Variants in MLPH observed in about 807,000 individuals in gnomAD.
MLPH encodes melanophilin.
In MLPH, 51 loss-of-function variants were observed where a neutral mutation model predicts 72.1. The observed-to-expected ratio is 0.71, with a 90% CI of 0.56 to 0.89. The LOEUF is 0.89. MLPH is among the 40% of genes least tolerant of loss of function. MLPH has a pLI of 0.00. For synonymous variants in MLPH, 301 were observed against 310.1 expected (o/e 0.97, Z 0.31); for missense variants, 743 against 759.9 (o/e 0.98, Z 0.26).
Position 237,534,659 on chromosome 2 carries a change from G to A in MLPH, c.1104+12G>A, listed in dbSNP as rs376084602. On this transcript the variant is annotated intron_variant, in intron 9 of 15. Transcript: ENST00000264605. ...CTCCCTTGGCCAAGGTAACACTGGG[G>A]GCTGGGCAAAGAGAAAGGGCCCCCA... 4.3e-6 allele frequency: 7 copies of A among 1,611,784 alleles called. No homozygotes were observed. Among genetic ancestry groups the A allele is most frequent in the African/African-American group, 1.3e-5 (1 of 74,868 alleles).
intron 9 of MLPH, among the ~76,000 whole-genome samples, chr2:237,540,131 T>C (rs765809188): frequency 5.3e-5 from 8 of 152,204 alleles, no homozygotes; most frequent in Non-Finnish European, 1.5e-5. Flanking sequence ...GTGGTCAGCT[T>C]TCCCTGGGAA....
chr2:237,542,499 G>A (rs2080712544), intron 11 of MLPH, 68 bp from the exon 12 acceptor site: 2 of 1,319,506 alleles, frequency 1.5e-6, no homozygotes, highest in Non-Finnish European at 2.1e-6. Context: ...TGCTCTTTCT[G>A]TCCATGACTT....
intron 8 of MLPH, among the ~76,000 whole-genome samples, chr2:237,532,955 T>G (rs2080451823): frequency 6.6e-6 from 1 of 152,236 alleles, no homozygotes; most frequent in African/African-American, 2.4e-5. Flanking sequence ...TCAGCCCTTC[T>G]GCAGCCCGGC....
rs1259449477 is a variant in MLPH, at chr2:237,512,695, G to T, written c.445+1594G>T. On this transcript the variant is annotated intron_variant, in intron 4 of 15. Transcript: ENST00000264605. This position sits in a 1 kb window ranked among gnomAD's most constrained non-coding sequence, Gnocchi z 5.5. ...CCAGTGGAGCTTGGTCCAGCCTCCA[G>T]TCCACCCCTAACAGGCTTAAGGATA... Among the ~76,000 whole-genome samples, 1 of 152,084 alleles carries T rather than the reference G, an allele frequency of 6.6e-6. No homozygotes were observed. Among genetic ancestry groups the T allele is most frequent in the Non-Finnish European group, 1.5e-5 (1 of 68,006 alleles).
chr2:237,517,871 A>G (rs2080084535), intron 4 of MLPH, among the ~76,000 whole-genome samples: 1 of 151,636 alleles, frequency 6.6e-6, no homozygotes, highest in South Asian at 2.1e-4. Context: ...GGATGGATGA[A>G]TAAATGGATA....
At chr2:237,508,973 C>T (rs1052965067) in intron 2 of MLPH, among the ~76,000 whole-genome samples, 9 of 152,152 alleles carry the variant, frequency 5.9e-5, no homozygotes, top group Admixed American at 1.3e-4. Context: ...AGCCACGTGC[C>T]GGGCTCTTGC....
At chr2:237,496,497 C>T (rs1305895703) in intron 2 of MLPH, among the ~76,000 whole-genome samples, 1 of 152,136 alleles carries the variant, frequency 6.6e-6, no homozygotes, top group Non-Finnish European at 1.5e-5. Context: ...ACCCAGGTCA[C>T]CTCCCAGAAC....
chr2:237,503,140 T>C (rs1208041234), intron 2 of MLPH, among the ~76,000 whole-genome samples: 1 of 151,930 alleles, frequency 6.6e-6, no homozygotes, highest in East Asian at 1.9e-4. Flanking sequence ...CATAAATAAA[T>C]AATAAAAATC....
At chr2:237,528,941 A>C (rs1339586325) in intron 8 of MLPH, among the ~76,000 whole-genome samples, 1 of 152,230 alleles carries the variant, frequency 6.6e-6, no homozygotes, top group Non-Finnish European at 1.5e-5. Flanking sequence ...TGGGTGCTTC[A>C]TTCCTTTTTA....
chr2:237,515,955 C>T (rs1257514844), intron 4 of MLPH, among the ~76,000 whole-genome samples: 1 of 152,220 alleles, frequency 6.6e-6, no homozygotes, highest in Non-Finnish European at 1.5e-5. Flanking sequence ...AGGGCCAGCT[C>T]CCACATCACA....
chr2:237,518,268 T>C, intron 4 of MLPH: 1 of 550,086 alleles, frequency 1.8e-6, no homozygotes, highest in Non-Finnish European at 3.4e-6. Context: ...CATGGATGGA[T>C]GGGCTGCCCA....
rs2079720068 is a variant in MLPH at position 237,504,419 on chromosome 2, T to TTTTGTATTTTTAGTA, written c.111-6155_111-6154insTTTGTATTTTTAGTA. On this transcript the variant is annotated intron_variant, in intron 2 of 15. Transcript: ENST00000264605. ...TTTTAGTAGAGATGGGGATTCACCATGTTGGCCAGGCTGGTCTCGAACTCC... is the reference window on the plus strand; with the variant it reads ...TTTTAGTAGAGATGGGGATTCACCATTTTGTATTTTTAGTAGTTGGCCAGGCTGGTCTCGAACTCC... 9.9e-5 allele frequency among the ~76,000 whole-genome samples: 15 copies of TTTTGTATTTTTAGTA among 152,218 alleles called. No individual in the cohort carries two copies. The East Asian group carries it at 2.9e-3, about 29-fold the overall frequency.
At chr2:237,550,838 C>T (rs1334552226) in intron 14 of MLPH, among the ~76,000 whole-genome samples, 3 of 152,164 alleles carry the variant, frequency 2.0e-5, no homozygotes, top group African/African-American at 4.8e-5. Flanking sequence ...CGTGAGCCAC[C>T]GTGCCCGGCC....
chr2:237,495,559 G>C (rs140635076), intron 2 of MLPH, among the ~76,000 whole-genome samples: 3 of 152,178 alleles, frequency 2.0e-5, no homozygotes, highest in African/African-American at 7.2e-5. Context: ...TGCTGAACAG[G>C]GTCCGCAACA....
intron 12 of MLPH, chr2:237,545,329 C>A: frequency 1.4e-6 from 1 of 711,184 alleles, no homozygotes; most frequent in Non-Finnish European, 2.0e-6. Context: ...GGCCTGACAG[C>A]AGGATCCTGG....
At chr2:237,514,396 AGCCAGATAATTTCTTTATG>A (rs2079970881) in intron 4 of MLPH, among the ~76,000 whole-genome samples, 1 of 152,194 alleles carries the variant, frequency 6.6e-6, no homozygotes, top group East Asian at 1.9e-4. Flanking sequence ...GTGCATGCCC[AGCCAGATAATTTCTTTATG>A]GCTAGTTTTT....
chr2:237,538,320 C>T (rs1171271542), intron 9 of MLPH, among the ~76,000 whole-genome samples: 1 of 152,192 alleles, frequency 6.6e-6, no homozygotes, highest in Non-Finnish European at 1.5e-5. Flanking sequence ...CACATGAACA[C>T]GGGGGTCCCC....
chr2:237,521,015 T>C (rs547179476), intron 6 of MLPH, among the ~76,000 whole-genome samples: 6 of 152,342 alleles, frequency 3.9e-5, no homozygotes, highest in African/African-American at 9.6e-5. Flanking sequence ...TGTTTACACC[T>C]AGGGCTGCGA....
At chr2:237,528,349 T>A (rs1439876591) in intron 8 of MLPH, among the ~76,000 whole-genome samples, 1 of 147,922 alleles carries the variant, frequency 6.8e-6, no homozygotes, top group Non-Finnish European at 1.5e-5. Flanking sequence ...AAAAAATTTA[T>A]TTTTTTTTAA....
Sources: gnomAD v4.1 joint callset for allele counts (sites outside exome capture counted in the v4.1 genomes callset) on GRCh38, gnomAD v4.1.1 for gene constraint, Gnocchi (gnomAD v3.1) non-coding constraint, MANE v1.5 for transcripts, NCBI Gene and HGNC (gene_info 2026-07-23, HGNC 2026-07-21) for gene names.